The following SNF8 variants were observed in gnomAD, a reference collection of about 807,000 sequenced individuals.
SNF8 encodes the protein SNF8 subunit of ESCRT-II.
In SNF8, 19 loss-of-function variants were observed where a neutral mutation model predicts 36.8. The observed-to-expected ratio is 0.52, with a 90% CI of 0.36 to 0.76. The LOEUF is 0.76. Ranked by LOEUF, SNF8 falls within the 30% of genes least tolerant of loss-of-function variation. The pLI is 0.00. For missense variants in SNF8, 268 were observed against 322.9 expected, an observed-to-expected ratio of 0.83 and a Z score of 1.30; for synonymous variants, 127 against 127.4, an observed-to-expected ratio of 1.00 and a Z score of 0.02.
Position 48,944,672 on chromosome 17 carries a change from C to G in SNF8, c.54+9G>C, listed in dbSNP as rs747992966. On this transcript the variant is annotated intron_variant, in intron 1 of 7. Transcript: ENST00000502492. ...GGGCAGGTTGTGGGTCGGCCTTCTT[C>G]CTGCTCACCTCTGCAAGTTTCTTCT... 1 of 1,612,808 alleles carries G rather than the reference C, an allele frequency of 6.2e-7. No homozygotes were observed. Among genetic ancestry groups the G allele is most frequent in the Admixed American group, 1.7e-5 (1 of 59,984 alleles).
intron 4 of SNF8, chr17:48,936,635 C>T (rs913684615): frequency 3.2e-6 from 1 of 315,336 alleles, no homozygotes; most frequent in Non-Finnish European, 5.9e-6. Flanking sequence ...ATTTTAAGGT[C>T]ACATTTTAGG....
intron 7 of SNF8, among the ~76,000 whole-genome samples, chr17:48,931,231 T>C (rs1427191591): frequency 6.6e-6 from 1 of 152,216 alleles, no homozygotes; most frequent in Non-Finnish European, 1.5e-5. Flanking sequence ...ATGAAATTTG[T>C]ATATATAAAG....
At position 48,937,003 on chromosome 17, in the gene SNF8, G is replaced by A. The variant is rs763291180; in HGVS notation, c.349+17C>T. ...GAGAAGTCCAGAGTCCAGTTCACAG[G>A]ACCTAGCCACCCTCACCTCCATTCC... On this transcript the variant is annotated intron_variant, in intron 4 of 7. Coordinates refer to ENST00000502492, the MANE Select transcript of SNF8 (RefSeq NM_007241.4). 7 of 1,583,316 alleles carry A rather than the reference G, an allele frequency of 4.4e-6. No homozygotes were observed. In the Admixed American group the frequency reaches 1.0e-4, roughly 23 times the overall value.
At chr17:48,936,020 G>GTGTGT in intron 5 of SNF8, 150 bp downstream of exon 5, 1 of 565,002 alleles carries the variant, frequency 1.8e-6, no homozygotes, top group Non-Finnish European at 3.1e-6. Context: ...CTTATTTTTT[G>GTGTGT]TTTGTTTTTT....
At chr17:48,937,320 G>A (rs1348378892) in intron 3 of SNF8, 196 bp from the exon 4 acceptor site, 1 of 682,774 alleles carries the variant, frequency 1.5e-6, no homozygotes, top group South Asian at 1.5e-5. Context: ...CGGCTCCAGA[G>A]GGCAGGCAAT....
chr17:48,936,084 A>T (rs2040930141), intron 5 of SNF8, 86 bp downstream of exon 5: 1 of 938,086 alleles, frequency 1.1e-6, no homozygotes. Context: ...AAGCTAGCCT[A>T]GACATGAGGA....
intron 3 of SNF8, among the ~76,000 whole-genome samples, chr17:48,939,394 C>T (rs1204999517): frequency 2.0e-5 from 3 of 151,672 alleles, no homozygotes; most frequent in Non-Finnish European, 2.9e-5. Flanking sequence ...GGGCTGATTG[C>T]ACCAATGCAC....
At chr17:48,939,698 T>C (rs1160418225) in intron 3 of SNF8, among the ~76,000 whole-genome samples, 3 of 151,960 alleles carry the variant, frequency 2.0e-5, no homozygotes, top group African/African-American at 7.2e-5. Flanking sequence ...GACCTTATGA[T>C]CTGCCCGCCT....
chr17:48,942,776 G>A (rs1363031718), intron 2 of SNF8, among the ~76,000 whole-genome samples: 1 of 150,324 alleles, frequency 6.7e-6, no homozygotes, highest in African/African-American at 2.5e-5. Context: ...TAACACCCCA[G>A]TGTCCTCAAT....
chr17:48,940,001 G>C (rs2040996021), intron 3 of SNF8, among the ~76,000 whole-genome samples: 1 of 149,898 alleles, frequency 6.7e-6, no homozygotes, highest in Non-Finnish European at 1.5e-5. Context: ...CTTCAACCTG[G>C]GAGGCAGAGG....
Position 48,929,907 on chromosome 17 carries a change from A to G in SNF8, c.*568T>C, listed in dbSNP as rs1052136482. On this transcript the variant is annotated 3_prime_UTR_variant, in exon 8 of 8. Coordinates refer to ENST00000502492, the MANE Select transcript of SNF8 (RefSeq NM_007241.4). ...AGTAGGGAATTTAAGAAAATAGAAC[A>G]TTCCCTAACTATTGTTTGATTCCCC... 1 of 152,178 alleles carries G rather than the reference A, an allele frequency of 6.6e-6. No homozygotes were observed. The highest frequency in any genetic ancestry group is 2.4e-5 in the African/African-American group (1 of 41,422). The allele number at this position is 152,178 out of a possible 1,614,324, so 9.4% of individuals were successfully genotyped here.
At chr17:48,940,055 A>G (rs947429953) in intron 3 of SNF8, among the ~76,000 whole-genome samples, 3 of 143,370 alleles carry the variant, frequency 2.1e-5, no homozygotes, top group African/African-American at 7.7e-5. Flanking sequence ...AGCGTAGGTG[A>G]CAGAGCAAGA....
chr17:48,942,944 C>T (rs1222708465), intron 2 of SNF8, among the ~76,000 whole-genome samples: 1 of 146,890 alleles, frequency 6.8e-6, no homozygotes, highest in Non-Finnish European at 1.5e-5. Flanking sequence ...TGGCTCACTG[C>T]AACCTCTGTC....
chr17:48,940,523 G>A (rs1356028280), intron 3 of SNF8, among the ~76,000 whole-genome samples: 4 of 151,936 alleles, frequency 2.6e-5, no homozygotes, highest in Admixed American at 2.0e-4. Flanking sequence ...AGGCGCAGTG[G>A]CTCATGCAGG....
chr17:48,935,825 T>G (rs1466897215), intron 5 of SNF8: 1 of 180,962 alleles, frequency 5.5e-6, no homozygotes, highest in African/African-American at 2.4e-5. Flanking sequence ...TAAATCTATA[T>G]TTTCTGTTTT....
chr17:48,937,558 A>G (rs2040953639), intron 3 of SNF8, among the ~76,000 whole-genome samples: 2 of 151,530 alleles, frequency 1.3e-5, no homozygotes, highest in South Asian at 4.2e-4. Context: ...GGAACCCAGG[A>G]GGCAGAAGTT....
chr17:48,944,330 G>A (rs1480671655), intron 1 of SNF8, among the ~76,000 whole-genome samples: 1 of 152,224 alleles, frequency 6.6e-6, no homozygotes, highest in Non-Finnish European at 1.5e-5. Flanking sequence ...AAAAAACACA[G>A]AGTGGGCGCT....
chr17:48,933,522 G>A (rs2040891139), intron 5 of SNF8, 176 bp from the exon 6 acceptor site: 2 of 665,532 alleles, frequency 3.0e-6, no homozygotes, highest in Non-Finnish European at 5.1e-6. Context: ...TGAGAAGACT[G>A]CTTGAGCCCA....
At chr17:48,939,454 A>ACTTCTTTTTTT (rs1567788531) in intron 3 of SNF8, among the ~76,000 whole-genome samples, 1 of 117,098 alleles carries the variant, frequency 8.5e-6, no homozygotes. Context: ...TAAATTAGTA[A>ACTTCTTTTTTT]TTTCTTTTTT....
Sources: allele counts gnomAD v4.1 joint callset (sites outside exome capture counted in the v4.1 genomes callset), GRCh38; gene constraint gnomAD v4.1.1; transcripts MANE v1.5; gene names NCBI Gene and HGNC (gene_info 2026-07-23, HGNC 2026-07-21).